The following CENPI variants were observed in gnomAD, a reference collection of about 807,000 sequenced individuals.
The protein encoded by CENPI is FSH primary response 1.
Under a neutral mutation model 60.4 loss-of-function variants are expected in CENPI, and 4 were observed. That is an observed-to-expected ratio of 0.07 (90% CI 0.03 to 0.15). The LOEUF (loss-of-function observed/expected upper bound fraction) is 0.15. CENPI is among the 10% of genes least tolerant of loss of function. The pLI is 1.00. For synonymous variants in CENPI, 157 were observed against 189.4 expected (o/e 0.83, Z 1.40); for missense variants, 444 against 534.5 (o/e 0.83, Z 1.67).
At chrX:101,173,345 G>A in the CENPI span, among the ~76,000 whole-genome samples, 2 of 70,955 alleles carry the variant, frequency 2.8e-5, no homozygotes, top group Non-Finnish European at 5.2e-5. Flanking sequence ...TTCTGGAGGC[G>A]GGGTCTCACT....
intron 15 of CENPI, among the ~76,000 whole-genome samples, chrX:101,139,436 G>A (rs889026234): frequency 9.0e-6 from 1 of 110,767 alleles, no homozygotes; most frequent in Non-Finnish European, 1.9e-5. Flanking sequence ...TATACCTACC[G>A]TGTACCCACA....
In CENPI at chrX:101,132,402, A is replaced by C. The variant is rs1450961177; in HGVS notation, c.1416A>C (p.Pro472=). The change falls in exon 15 of 22, where the codon CCA becomes CCC. Residue 472 remains proline (P), a synonymous_variant. Coordinates refer to ENST00000682095, the MANE Select transcript of CENPI (RefSeq NM_001386188.2). ...TTTTTTGATTCCTAGAGGTGAAACC[A>C]CTTCTTTTTGACCATCTAGCGCAGC... ...IPFSSFSEVK[P]LLFDHLAQLF... is the part of the protein sequence containing the mutation. The C allele has an allele frequency of 1.7e-6, 2 of 1,208,014 alleles. No individual in the cohort carries two copies. Among genetic ancestry groups the C allele is most frequent in the African/African-American group, 3.5e-5 (2 of 57,206 alleles).
intron 13 of CENPI, among the ~76,000 whole-genome samples, chrX:101,131,900 A>G (rs181341508): frequency 1.8e-5 from 2 of 112,002 alleles, no homozygotes; most frequent in Admixed American, 9.6e-5. Flanking sequence ...CCAAGATAAT[A>G]AATCTTATTT....
intron 6 of CENPI, among the ~76,000 whole-genome samples, chrX:101,119,321 A>G (rs2089653345): frequency 1.8e-5 from 2 of 112,672 alleles, no homozygotes; most frequent in Admixed American, 1.9e-4. Flanking sequence ...AGTCATGACT[A>G]CAAAAATACA....
intron 6 of CENPI, among the ~76,000 whole-genome samples, chrX:101,116,230 C>T (rs753448642): frequency 3.2e-4 from 36 of 111,516 alleles, no homozygotes; most frequent in African/African-American, 1.1e-3. Context: ...CAACCCACAG[C>T]CCAGGATTGC....
At chrX:101,172,179 A>G in the CENPI span, among the ~76,000 whole-genome samples, 3 of 111,908 alleles carry the variant, frequency 2.7e-5, no homozygotes, top group Admixed American at 2.9e-4. Flanking sequence ...GATGCGGAGG[A>G]ATTGAAATAG....
chrX:101,173,597 T>C, the CENPI span, among the ~76,000 whole-genome samples: 151 of 110,497 alleles, frequency 1.4e-3, 1 homozygote, highest in Admixed American at 2.0e-3. Flanking sequence ...TTAAGCACAA[T>C]CAGAAATGAC....
At chrX:101,103,896 G>A (rs747313808) in intron 4 of CENPI, among the ~76,000 whole-genome samples, 1 of 111,929 alleles carries the variant, frequency 8.9e-6, no homozygotes, top group Non-Finnish European at 1.9e-5. Flanking sequence ...AGAAGCATAC[G>A]TAGTAATTTA....
intron 8 of CENPI, among the ~76,000 whole-genome samples, chrX:101,126,306 T>C (rs2089734823): frequency 8.9e-6 from 1 of 112,178 alleles, no homozygotes; most frequent in Non-Finnish European, 1.9e-5. Context: ...CCAAGAATTA[T>C]AATAATCAGG....
the CENPI span, among the ~76,000 whole-genome samples, chrX:101,176,827 T>A: frequency 8.9e-6 from 1 of 112,991 alleles, no homozygotes; most frequent in East Asian, 2.8e-4. Flanking sequence ...TAGCCATAAG[T>A]TCTTTGCATA....
At chrX:101,140,083 G>C (rs765191890) in intron 15 of CENPI, among the ~76,000 whole-genome samples, 2 of 111,508 alleles carry the variant, frequency 1.8e-5, no homozygotes, top group Non-Finnish European at 3.8e-5. Context: ...TGATCCGCCC[G>C]CCTCGGCCTC....
At chrX:101,157,668 AAG>A (rs1321603951) in intron 20 of CENPI, among the ~76,000 whole-genome samples, 1 of 107,144 alleles carries the variant, frequency 9.3e-6, no homozygotes, top group Admixed American at 1.0e-4. Context: ...AAAAAAAAAA[AAG>A]GACTTTTTTT....
At chrX:101,141,739 C>G (rs1427870710) in intron 16 of CENPI, among the ~76,000 whole-genome samples, 2 of 110,326 alleles carry the variant, frequency 1.8e-5, no homozygotes, top group Non-Finnish European at 3.8e-5. Context: ...CTCCACCTGC[C>G]CCCCCCTTTT....
At chrX:101,123,428 G>A (rs1569500263) in intron 8 of CENPI, among the ~76,000 whole-genome samples, 1 of 111,082 alleles carries the variant, frequency 9.0e-6, no homozygotes, top group Non-Finnish European at 1.9e-5. Context: ...GGGGGAATTA[G>A]GTCTCATCCT....
chrX:101,104,985 T>C (rs1033215127), intron 4 of CENPI, among the ~76,000 whole-genome samples: 1 of 112,209 alleles, frequency 8.9e-6, no homozygotes, highest in South Asian at 3.6e-4. Context: ...TGTGTGTGTA[T>C]TTATTTTAAA....
intron 4 of CENPI, among the ~76,000 whole-genome samples, chrX:101,108,276 A>C (rs1333181605): frequency 9.1e-6 from 1 of 110,269 alleles, no homozygotes; most frequent in Non-Finnish European, 1.9e-5. Flanking sequence ...GGGTCTCACT[A>C]TATTGCCTAG....
the CENPI span, among the ~76,000 whole-genome samples, chrX:101,171,479 C>G: frequency 1.8e-5 from 2 of 111,694 alleles, no homozygotes; most frequent in African/African-American, 6.5e-5. Flanking sequence ...CACTTTCGCC[C>G]AGGCTAGAGG....
intron 13 of CENPI, among the ~76,000 whole-genome samples, chrX:101,130,382 C>T (rs1273957403): frequency 9.0e-6 from 1 of 111,597 alleles, no homozygotes. Context: ...TGCAGTGAGC[C>T]GTAATTGTGC....
intron 21 of CENPI, among the ~76,000 whole-genome samples, chrX:101,162,190 T>C (rs190656983): frequency 9.1e-6 from 1 of 109,748 alleles, no homozygotes; most frequent in African/African-American, 3.3e-5. Context: ...TCTGCCCGCC[T>C]TGGCCTCCCA....
Sources: gnomAD v4.1 joint callset for allele counts (sites outside exome capture counted in the v4.1 genomes callset) on GRCh38, gnomAD v4.1.1 for gene constraint, MANE v1.5 for transcripts, NCBI Gene and HGNC (gene_info 2026-07-23, HGNC 2026-07-21) for gene names.